FBXO25: variants seen among roughly 807,000 people sequenced by gnomAD.
The protein encoded by FBXO25 is F-box protein 25.
FBXO25 carries 45 observed loss-of-function variants against 51.9 expected under a neutral mutation model. That is an observed-to-expected ratio of 0.87 (90% CI 0.68 to 1.11). The LOEUF is 1.11. FBXO25 is among the 50% of genes most tolerant of loss of function. FBXO25 has a pLI of 0.00. For synonymous variants in FBXO25, 199 were observed against 151.0 expected, an observed-to-expected ratio of 1.32 and a Z score of -2.33; for missense variants, 507 against 428.5, an observed-to-expected ratio of 1.18 and a Z score of -1.62.
Position 468,846 on chromosome 8 carries a change from T to C in FBXO25, c.*42T>C. ...CCCTATTGGAGATTGTGAATCCTGC[T>C]GTCTGTGCAGGGCTCATAGTGAGTG... On this transcript the variant is annotated 3_prime_UTR_variant, in exon 10 of 10. Coordinates refer to ENST00000350302, the MANE Select transcript of FBXO25 (RefSeq NM_183420.2). 6.4e-7 allele frequency: 1 copy of C among 1,574,560 alleles called. No individual in the cohort carries two copies. The highest frequency in any genetic ancestry group is 8.7e-7 in the Non-Finnish European group (1 of 1,148,000).
At chr8:436,989 G>A (rs558613816) in intron 5 of FBXO25, among the ~76,000 whole-genome samples, 180 of 152,198 alleles carry the variant, frequency 1.2e-3, no homozygotes, top group African/African-American at 4.2e-3. Flanking sequence ...CGAGTATTCT[G>A]TGCTTTGTCA....
chr8:468,162 A>T (rs1800308611), intron 9 of FBXO25: 2 of 1,023,144 alleles, frequency 2.0e-6, no homozygotes, highest in Non-Finnish European at 2.3e-6. Context: ...CATATTAAAT[A>T]TAATTCTGGA....
intron 2 of FBXO25, among the ~76,000 whole-genome samples, chr8:430,464 G>C (rs968767933): frequency 1.3e-5 from 2 of 151,950 alleles, no homozygotes; most frequent in Admixed American, 1.3e-4. Flanking sequence ...TAATAAAAGT[G>C]AATACTGGTG....
chr8:477,842 C>A lies in FBXO25; in HGVS notation c.*9038C>A, dbSNP rs1377738736. ...TTTCACTATTTAAAAATGTAAAAAT[C>A]ATTCTTAACATTTGGGCTGTGCAAA... On this transcript the variant is annotated 3_prime_UTR_variant, in exon 10 of 10. Coordinates refer to ENST00000350302, the MANE Select transcript of FBXO25 (RefSeq NM_183420.2). 6.6e-6 allele frequency: 1 copy of A among 152,166 alleles called. No individual in the cohort carries two copies. The highest frequency in any genetic ancestry group is 2.4e-5 in the African/African-American group (1 of 41,434). The allele number at this position is 152,166 out of a possible 1,614,324, so 9.4% of individuals were successfully genotyped here. A position where few individuals can be genotyped will look rare whatever the true frequency, so the allele number is the denominator to read the frequency against.
At chr8:462,361 C>T (rs900707397) in intron 8 of FBXO25, among the ~76,000 whole-genome samples, 1 of 152,080 alleles carries the variant, frequency 6.6e-6, no homozygotes, top group Non-Finnish European at 1.5e-5. Flanking sequence ...TGTAAGTGTT[C>T]TTTATCTATT....
At position 477,682 on chromosome 8, in the gene FBXO25, T is replaced by C. The variant is rs1800684429; in HGVS notation, c.*8878T>C. 6.6e-6 allele frequency: 1 copy of C among 152,284 alleles called. No individual in the cohort carries two copies. The highest frequency in any genetic ancestry group is 6.5e-5 in the Admixed American group (1 of 15,282). 9.4% of individuals were successfully genotyped at this position (152,284 alleles called of 1,614,324 possible). On this transcript the variant is annotated 3_prime_UTR_variant, in exon 10 of 10. Transcript: ENST00000350302. ...TCCAGCCATGGGGCTCTCTTGCCAC[T>C]TGGCAGTAGTGGCATGAAGCCGCCA...
intron 7 of FBXO25, among the ~76,000 whole-genome samples, chr8:454,914 A>AAAAAG (rs1563092020): frequency 5.7e-5 from 8 of 140,398 alleles, no homozygotes; most frequent in African/African-American, 2.5e-4. Context: ...GAAAAAGAAA[A>AAAAAG]CAAAGAATGA....
rs199894108 is a variant in FBXO25 at position 441,163 on chromosome 8, C to G, written c.381+5456C>G. Among the ~76,000 whole-genome samples, 10 of 151,960 alleles carry G rather than the reference C, an allele frequency of 6.6e-5. No homozygotes were observed. The East Asian group carries it at 1.9e-3, about 29-fold the overall frequency. On this transcript the variant is annotated intron_variant, in intron 5 of 9. Transcript: ENST00000350302. Reference sequence around the variant, plus strand: ...AAACAGCATGATACTGGTACCAAAACAGATATATAGACCAATGGAACAGAA... The same window carrying G: ...AAACAGCATGATACTGGTACCAAAAGAGATATATAGACCAATGGAACAGAA...
intron 2 of FBXO25, among the ~76,000 whole-genome samples, chr8:419,523 G>C (rs1413686086): frequency 6.6e-6 from 1 of 152,184 alleles, no homozygotes; most frequent in African/African-American, 2.4e-5. Flanking sequence ...GTTTGTTTTT[G>C]ACAGTGGTGT....
intron 6 of FBXO25, chr8:451,054 A>T (rs1350483284): frequency 2.3e-6 from 1 of 437,914 alleles, no homozygotes; most frequent in Non-Finnish European, 4.0e-6. Flanking sequence ...TAGCTAGCTT[A>T]TTTCACTTTG....
At chr8:434,553 A>T (rs180794958) in intron 4 of FBXO25, among the ~76,000 whole-genome samples, 113 of 152,312 alleles carry the variant, frequency 7.4e-4, no homozygotes, top group African/African-American at 2.4e-3. Context: ...ACAGAAGCAC[A>T]TGAGCCTCTG....
rs763846169 is a variant in FBXO25, at chr8:469,623, T to C, written c.*819T>C. 8 of 152,256 alleles carry C rather than the reference T, an allele frequency of 5.3e-5. No individual in the cohort carries two copies. The highest frequency in any genetic ancestry group is 1.2e-4 in the Non-Finnish European group (8 of 68,044). 9.4% of individuals were successfully genotyped at this position (152,256 alleles called of 1,614,324 possible). ...TACTGAGAAATGTTAGTGATTTTGA[T>C]ACTTAAATCCTTAAAAGATTGCTTC... On this transcript the variant is annotated 3_prime_UTR_variant, in exon 10 of 10. Coordinates refer to ENST00000350302, the MANE Select transcript of FBXO25 (RefSeq NM_183420.2).
intron 2 of FBXO25, among the ~76,000 whole-genome samples, chr8:429,599 T>A (rs1208230720): frequency 6.6e-6 from 1 of 152,262 alleles, no homozygotes; most frequent in African/African-American, 2.4e-5. Flanking sequence ...GAAGCATTCA[T>A]CTTTCTTCTC....
At chr8:465,875 G>C (rs1800122903) in intron 9 of FBXO25, among the ~76,000 whole-genome samples, 1 of 152,136 alleles carries the variant, frequency 6.6e-6, no homozygotes, top group South Asian at 2.1e-4. Flanking sequence ...TTTAAATTGA[G>C]AGATGATGTA....
chr8:412,460 C>T (rs1001966724), intron 1 of FBXO25, among the ~76,000 whole-genome samples: 2 of 152,212 alleles, frequency 1.3e-5, no homozygotes, highest in Non-Finnish European at 2.9e-5. Context: ...CTACTTTCCT[C>T]CAGGTGACCC....
chr8:407,674 G>C (rs976167670), intron 1 of FBXO25, among the ~76,000 whole-genome samples: 3 of 151,860 alleles, frequency 2.0e-5, no homozygotes, highest in Non-Finnish European at 4.4e-5. Flanking sequence ...CCTCTTCGCC[G>C]GTGGGCACCT....
chr8:452,237 T>C (rs901650587), intron 7 of FBXO25, among the ~76,000 whole-genome samples: 2 of 152,018 alleles, frequency 1.3e-5, no homozygotes, highest in African/African-American at 2.4e-5. Context: ...ACAAAAAGAG[T>C]GATGATTGCC....
chr8:439,335 A>G (rs893185941), intron 5 of FBXO25, among the ~76,000 whole-genome samples: 15 of 152,324 alleles, frequency 9.8e-5, no homozygotes, highest in African/African-American at 3.4e-4. Flanking sequence ...ACGGCGTGAA[A>G]GCTTCCTGAA....
intron 2 of FBXO25, among the ~76,000 whole-genome samples, chr8:424,149 C>G (rs1157656514): frequency 7.0e-6 from 1 of 142,224 alleles, no homozygotes; most frequent in Non-Finnish European, 1.5e-5. Context: ...GACAGAGTCT[C>G]ACTCTGACAC....
Sources: allele counts gnomAD v4.1 joint callset (sites outside exome capture counted in the v4.1 genomes callset), GRCh38; gene constraint gnomAD v4.1.1; transcripts MANE v1.5; gene names NCBI Gene and HGNC (gene_info 2026-07-23, HGNC 2026-07-21).